The following PTCH1 variants were observed in gnomAD, a reference collection of about 807,000 sequenced individuals.
PTCH1 encodes protein patched homolog 1.
PTCH1 carries 14 observed loss-of-function variants against 144.6 expected under a neutral mutation model. The observed-to-expected ratio is 0.10, with a 90% CI of 0.06 to 0.15. The LOEUF (loss-of-function observed/expected upper bound fraction) is 0.15. Ranked by LOEUF, PTCH1 falls within the 10% of genes least tolerant of loss-of-function variation. The pLI is 1.00. For synonymous variants in PTCH1, 833 were observed against 793.6 expected, an observed-to-expected ratio of 1.05 and a Z score of -0.83; for missense variants, 1,623 against 1,948.3, an observed-to-expected ratio of 0.83 and a Z score of 3.14.
chr9:95,454,953 GT>G (rs1838785913), intron 19 of PTCH1, among the ~76,000 whole-genome samples: 2 of 152,166 alleles, frequency 1.3e-5, no homozygotes, highest in African/African-American at 4.8e-5. Context: ...AAAAAAGGTG[GT>G]TTCCATTTGC....
At chr9:95,478,970 G>A in intron 8 of PTCH1, 30 bp downstream of exon 8, 1 of 1,614,028 alleles carries the variant, frequency 6.2e-7, no homozygotes, top group South Asian at 1.1e-5. Flanking sequence ...TAACCAGCGA[G>A]TCTGCACGCC....
At chr9:95,450,743 T>C (rs1838382333) in intron 20 of PTCH1, 1 of 152,474 alleles carries the variant, frequency 6.6e-6, no homozygotes, top group African/African-American at 2.4e-5. Context: ...CGTCAGCCAA[T>C]TCAAACATAA....
chr9:95,508,076 AGT>A (rs1397083477), intron 1 of PTCH1, 83 bp downstream of exon 1: 29 of 1,586,182 alleles, frequency 1.8e-5, no homozygotes, highest in African/African-American at 4.0e-5. Context: ...AGAGGAAGAG[AGT>A]GTGTGTGTTT....
intron 12 of PTCH1, among the ~76,000 whole-genome samples, chr9:95,473,690 G>A (rs893876605): frequency 4.6e-5 from 7 of 151,994 alleles, no homozygotes; most frequent in East Asian, 1.9e-4. Flanking sequence ...GATTACAGGC[G>A]TGAGCCACCG....
At chr9:95,509,921 T>G (rs1054306618), upstream of PTCH1, among the ~76,000 whole-genome samples, 1 of 151,734 alleles carries the variant, frequency 6.6e-6, no homozygotes, top group Non-Finnish European at 1.5e-5. Context: ...GAATGGAAAG[T>G]TAAAGAGGAA....
chr9:95,505,102 A>C (rs1843461368), intron 2 of PTCH1, among the ~76,000 whole-genome samples: 1 of 152,204 alleles, frequency 6.6e-6, no homozygotes, highest in Admixed American at 6.5e-5. Flanking sequence ...TATTATTTTA[A>C]TTGTCACTTC....
chr9:95,472,105 CAG>C (rs796250728), intron 12 of PTCH1, among the ~76,000 whole-genome samples: 10,787 of 151,784 alleles, frequency 0.071, 887 homozygotes, highest in African/African-American at 0.2. Context: ...GAAAAAAACA[CAG>C]AGTGTGCAAG....
chr9:95,488,678 T>C (rs1313135975), intron 2 of PTCH1, among the ~76,000 whole-genome samples: 2 of 152,100 alleles, frequency 1.3e-5, no homozygotes, highest in South Asian at 2.1e-4. Context: ...CAGCGTAGTC[T>C]CTCTCCAAGA....
At chr9:95,463,252 C>T (rs961491453) in intron 15 of PTCH1, among the ~76,000 whole-genome samples, 2 of 151,840 alleles carry the variant, frequency 1.3e-5, no homozygotes, top group African/African-American at 4.8e-5. Flanking sequence ...GAGCACAGGC[C>T]CCCTTCTGTC....
At chr9:95,481,717 TG>T in intron 5 of PTCH1, 1 of 574,456 alleles carries the variant, frequency 1.7e-6, no homozygotes. Flanking sequence ...ATAAATAGGT[TG>T]GTAAAAGTGA....
In PTCH1 at chr9:95,508,996, T is replaced by TGCTGCTCGG. The variant is rs1027650611; in HGVS notation, c.-644_-636dup. On this transcript the variant is annotated 5_prime_UTR_variant, in exon 1 of 24. Transcript: ENST00000331920. The stretch of plus-strand genomic sequence containing the variant: ...TGCTGGCGGTGGCGGCTCCAGGAGC[T>TGCTGCTCGG]GCTGCTCGGGCTGCTCGGGCTCTGG... Among the ~76,000 whole-genome samples, 7 of 150,636 alleles carry TGCTGCTCGG rather than the reference T, an allele frequency of 4.6e-5. No individual in the cohort carries two copies. The highest frequency in any genetic ancestry group is 1.0e-4 in the Non-Finnish European group (7 of 67,464).
At chr9:95,451,010 G>GT (rs1197001672) in intron 20 of PTCH1, 1 of 151,984 alleles carries the variant, frequency 6.6e-6, no homozygotes, top group Non-Finnish European at 1.5e-5. Flanking sequence ...GGGAAGGGGG[G>GT]GGCAAGATAT....
rs189572655 is a variant in PTCH1 at position 95,500,213 on chromosome 9, A to G, written c.394+6194T>C. Among the ~76,000 whole-genome samples the G allele has an allele frequency of 2.5e-3, 388 of 152,240 alleles. 1 individual carries two copies. The highest frequency in any genetic ancestry group is 4.6e-3 in the Admixed American group (71 of 15,286). ...GCATCCTATGTATCTGAAACACCCCATTACCCAACCTGTCCTCTCAACTTG... is the reference window on the plus strand; with the variant it reads ...GCATCCTATGTATCTGAAACACCCCGTTACCCAACCTGTCCTCTCAACTTG... On this transcript the variant is annotated intron_variant, in intron 2 of 23. Coordinates refer to ENST00000331920, the MANE Select transcript of PTCH1 (RefSeq NM_000264.5).
upstream of PTCH1, among the ~76,000 whole-genome samples, chr9:95,510,932 G>T (rs1374227879): frequency 6.6e-6 from 1 of 150,546 alleles, no homozygotes; most frequent in Non-Finnish European, 1.5e-5. Context: ...CGCCGGGCCG[G>T]CTCCGGGCCT....
rs1375317234 is a variant in PTCH1 at position 95,456,265 on chromosome 9, G to A, written c.3306+11C>T. On this transcript the variant is annotated intron_variant, in intron 19 of 23. Coordinates refer to ENST00000331920, the MANE Select transcript of PTCH1 (RefSeq NM_000264.5). ...TTTTCACAAAGTTTTTGCTTCAAAT[G>A]TCTCCCATACCAAAGCAACGTGAAC... 1.2e-6 allele frequency: 2 copies of A among 1,613,310 alleles called. No individual in the cohort carries two copies. Among genetic ancestry groups the A allele is most frequent in the Non-Finnish European group, 1.7e-6 (2 of 1,180,012 alleles).
At chr9:95,501,539 T>TAA (rs35918689) in intron 2 of PTCH1, among the ~76,000 whole-genome samples, 1,873 of 145,432 alleles carry the variant, frequency 0.013, 25 homozygotes, top group Middle Eastern at 0.025. Context: ...CTATTTTTCT[T>TAA]AAAAAAAAAA....
chr9:95,477,478 T>C, intron 10 of PTCH1, 69 bp downstream of exon 10: 1 of 1,603,922 alleles, frequency 6.2e-7, no homozygotes, highest in Non-Finnish European at 8.5e-7. Context: ...CACAGGAGGC[T>C]GGCTGGGCCA....
chr9:95,449,423 T>A lies in PTCH1; in HGVS notation c.3550-100A>T. ...GTATTTTTCAGGGGCCTCTGTTCCC[T>A]GCCCTGGGGCCCTGCGCACTGTGCC... On this transcript the variant is annotated intron_variant, in intron 21 of 23. Coordinates refer to ENST00000331920, the MANE Select transcript of PTCH1 (RefSeq NM_000264.5). This position sits in a 1 kb window ranked among gnomAD's most constrained non-coding sequence, Gnocchi z 5.3. 1 of 1,489,034 alleles carries A rather than the reference T, an allele frequency of 6.7e-7. No individual in the cohort carries two copies. The allele number at this position is 1,489,034 out of a possible 1,614,324, so 92.2% of individuals were successfully genotyped here. A position where few individuals can be genotyped will look rare whatever the true frequency, so the allele number is the denominator to read the frequency against.
At chr9:95,462,403 A>G (rs78243370) in intron 15 of PTCH1, among the ~76,000 whole-genome samples, 2,255 of 152,228 alleles carry the variant, frequency 0.015, 48 homozygotes, top group East Asian at 0.087. Flanking sequence ...GAAATTCCAC[A>G]CAGAGGGGAA....
Sources: allele counts gnomAD v4.1 joint callset (sites outside exome capture counted in the v4.1 genomes callset), GRCh38; gene constraint gnomAD v4.1.1; non-coding constraint Gnocchi (gnomAD v3.1); transcripts MANE v1.5; gene names NCBI Gene and HGNC (gene_info 2026-07-23, HGNC 2026-07-21).